Variants in SCHIP1 observed in about 807,000 individuals in gnomAD.
SCHIP1 encodes the protein schwannomin-interacting protein 1.
Under a neutral mutation model 29.7 loss-of-function variants are expected in SCHIP1, and 8 were observed. That is an observed-to-expected ratio of 0.27 (90% CI 0.16 to 0.49). The LOEUF is 0.49. SCHIP1 is among the 20% of genes least tolerant of loss of function. SCHIP1 has a pLI of 0.99. For synonymous variants in SCHIP1, 76 were observed against 94.9 expected (o/e 0.80, Z 1.16); for missense variants, 193 against 294.6 (o/e 0.66, Z 2.52).
chr3:159,622,049 G>A, the SCHIP1 span, among the ~76,000 whole-genome samples: 1 of 152,158 alleles, frequency 6.6e-6, no homozygotes, highest in Non-Finnish European at 1.5e-5. Context: ...TCAACACAGC[G>A]GCATCCCTTT....
At chr3:159,273,720 C>G in the SCHIP1 span, 1 of 1,535,464 alleles carries the variant, frequency 6.5e-7, no homozygotes, top group African/African-American at 1.4e-5. Context: ...TTTAGACAAC[C>G]TTACTAGCTA....
chr3:159,656,790 A>C, the SCHIP1 span, among the ~76,000 whole-genome samples: 1 of 152,170 alleles, frequency 6.6e-6, no homozygotes, highest in South Asian at 2.1e-4. Flanking sequence ...TACTTTCTCC[A>C]TTTTACAGGT....
At chr3:159,494,098 A>G in the SCHIP1 span, among the ~76,000 whole-genome samples, 1 of 152,218 alleles carries the variant, frequency 6.6e-6, no homozygotes, top group African/African-American at 2.4e-5. Context: ...AACATATTCA[A>G]AGCAGTGTGT....
the SCHIP1 span, among the ~76,000 whole-genome samples, chr3:159,660,766 T>A: frequency 6.6e-6 from 1 of 152,166 alleles, no homozygotes; most frequent in Admixed American, 6.6e-5. Context: ...AATCAATAGG[T>A]ACTTGAGTCA....
the SCHIP1 span, among the ~76,000 whole-genome samples, chr3:159,694,417 G>T: frequency 6.6e-6 from 1 of 152,068 alleles, no homozygotes; most frequent in Non-Finnish European, 1.5e-5. Context: ...CCATTCGGGA[G>T]GCTGAGGCAG....
the SCHIP1 span, among the ~76,000 whole-genome samples, chr3:159,353,572 A>AACTT: frequency 1.3e-5 from 2 of 152,312 alleles, no homozygotes; most frequent in African/African-American, 4.8e-5. Context: ...AAGTCTACAA[A>AACTT]ACTTACTTGT....
At chr3:159,465,167 C>T in the SCHIP1 span, among the ~76,000 whole-genome samples, 17 of 152,104 alleles carry the variant, frequency 1.1e-4, no homozygotes, top group African/African-American at 3.6e-4. Flanking sequence ...AAGTTTTCTA[C>T]TGCTGCTTTC....
At chr3:159,592,711 C>T in the SCHIP1 span, among the ~76,000 whole-genome samples, 39 of 152,156 alleles carry the variant, frequency 2.6e-4, no homozygotes, top group African/African-American at 8.7e-4. Flanking sequence ...CTACTTTGTT[C>T]ATATAACACT....
chr3:159,535,960 T>C, the SCHIP1 span, among the ~76,000 whole-genome samples: 1 of 152,216 alleles, frequency 6.6e-6, no homozygotes, highest in African/African-American at 2.4e-5. Context: ...GAGCTGGCTA[T>C]GCAGCATGGT....
chr3:159,487,183 G>C, the SCHIP1 span, among the ~76,000 whole-genome samples: 8 of 152,156 alleles, frequency 5.3e-5, no homozygotes, highest in African/African-American at 1.9e-4. Context: ...AGGGAATGTG[G>C]GTGTGCAATT....
the SCHIP1 span, among the ~76,000 whole-genome samples, chr3:159,656,239 C>A: frequency 6.6e-6 from 1 of 152,136 alleles, no homozygotes; most frequent in South Asian, 2.1e-4. Flanking sequence ...ACTCAGTAAT[C>A]CCCAAACATC....
At chr3:159,304,066 T>C in the SCHIP1 span, among the ~76,000 whole-genome samples, 1 of 136,208 alleles carries the variant, frequency 7.3e-6, no homozygotes, top group African/African-American at 2.7e-5. Flanking sequence ...CCTGTGTCCA[T>C]GTGATCTCAT....
the SCHIP1 span, among the ~76,000 whole-genome samples, chr3:159,683,438 G>A: frequency 7.3e-5 from 11 of 151,622 alleles, no homozygotes; most frequent in South Asian, 2.1e-4. Context: ...GCTCCATTGC[G>A]TTTTTTTTCA....
chr3:159,396,106 GT>G, the SCHIP1 span, among the ~76,000 whole-genome samples: 1 of 138,972 alleles, frequency 7.2e-6, no homozygotes, highest in South Asian at 2.4e-4. Context: ...ATCTTTGTTG[GT>G]TTAAAGTCTG....
At chr3:159,309,754 C>T in the SCHIP1 span, among the ~76,000 whole-genome samples, 2 of 152,148 alleles carry the variant, frequency 1.3e-5, no homozygotes, top group Admixed American at 1.3e-4. Context: ...TGGAATGTTT[C>T]AAAACCTAAG....
At chr3:159,382,306 G>C in the SCHIP1 span, among the ~76,000 whole-genome samples, 2 of 146,494 alleles carry the variant, frequency 1.4e-5, no homozygotes, top group East Asian at 4.1e-4. Flanking sequence ...CCCTTCATGT[G>C]TCCATGTGTT....
At chr3:159,656,700 G>T in the SCHIP1 span, among the ~76,000 whole-genome samples, 1 of 152,134 alleles carries the variant, frequency 6.6e-6, no homozygotes, top group East Asian at 1.9e-4. Flanking sequence ...TGCTTAGAAA[G>T]CCCCCGAACA....
upstream of SCHIP1, among the ~76,000 whole-genome samples, chr3:159,835,126 T>TA (rs369661950): frequency 6.6e-5 from 10 of 152,346 alleles, no homozygotes; most frequent in African/African-American, 2.2e-4. Flanking sequence ...GCTTAAAAGT[T>TA]ATTACTTAAG....
chr3:159,596,244 A>G, the SCHIP1 span, among the ~76,000 whole-genome samples: 1 of 152,238 alleles, frequency 6.6e-6, no homozygotes, highest in Non-Finnish European at 1.5e-5. Flanking sequence ...CAAAACCACA[A>G]TGAGATAACA....
Sources: allele counts gnomAD v4.1 joint callset (sites outside exome capture counted in the v4.1 genomes callset), GRCh38; gene constraint gnomAD v4.1.1; transcripts MANE v1.5; gene names NCBI Gene and HGNC (gene_info 2026-07-23, HGNC 2026-07-21).